The following DLEU7 variants were observed in gnomAD, a reference collection of about 807,000 sequenced individuals.
DLEU7 encodes the protein deleted in lymphocytic leukemia 7.
Under a neutral mutation model 16.0 loss-of-function variants are expected in DLEU7, and 17 were observed. The observed-to-expected ratio is 1.06, with a 90% CI of 0.73 to 1.59. DLEU7 has a LOEUF of 1.59. DLEU7 is among the 40% of genes most tolerant of loss of function. DLEU7 has a pLI of 0.00. For missense variants in DLEU7, 308 were observed against 314.9 expected (o/e 0.98, Z 0.17); for synonymous variants, 113 against 139.8 (o/e 0.81, Z 1.35).
chr13:50,721,053 C>T (rs1364451001), intron 1 of DLEU7, among the ~76,000 whole-genome samples: 6 of 152,134 alleles, frequency 3.9e-5, no homozygotes, highest in African/African-American at 9.7e-5. Context: ...GACCCAGCTG[C>T]AATGTGAGTG....
chr13:50,812,887 AC>A (rs67926749), intron 1 of DLEU7: 1 of 151,694 alleles, frequency 6.6e-6, no homozygotes, highest in African/African-American at 2.4e-5. Flanking sequence ...ACAGAAAAAA[AC>A]CTCTAAAAAT....
intron 1 of DLEU7, among the ~76,000 whole-genome samples, chr13:50,795,906 T>C (rs1421996007): frequency 6.6e-6 from 1 of 152,236 alleles, no homozygotes; most frequent in Non-Finnish European, 1.5e-5. Context: ...GTTAGGGCAA[T>C]TGAGTCAGAG....
At chr13:50,840,692 G>A (rs1310510309) in intron 1 of DLEU7, among the ~76,000 whole-genome samples, 3 of 151,968 alleles carry the variant, frequency 2.0e-5, no homozygotes, top group Non-Finnish European at 4.4e-5. Flanking sequence ...AAGAGGGGGC[G>A]GTAGAAAATG....
intron 1 of DLEU7, among the ~76,000 whole-genome samples, chr13:50,785,843 A>G (rs903385975): frequency 2.0e-5 from 3 of 152,212 alleles, no homozygotes; most frequent in African/African-American, 7.2e-5. Context: ...AGATAGAAAT[A>G]CAGGTGTGGC....
intron 1 of DLEU7, among the ~76,000 whole-genome samples, chr13:50,788,490 T>C (rs2137771205): frequency 6.6e-6 from 1 of 152,254 alleles, no homozygotes; most frequent in Non-Finnish European, 1.5e-5. Flanking sequence ...AAGAACCTCA[T>C]TGTCGAGGAC....
At chr13:50,828,620 G>A (rs1338806295) in intron 1 of DLEU7, among the ~76,000 whole-genome samples, 1 of 152,112 alleles carries the variant, frequency 6.6e-6, no homozygotes. Context: ...AAAAATGGAA[G>A]GAAGAACTAA....
intron 1 of DLEU7, among the ~76,000 whole-genome samples, chr13:50,798,050 A>C (rs1876149961): frequency 6.6e-6 from 1 of 152,196 alleles, no homozygotes; most frequent in Admixed American, 6.5e-5. Flanking sequence ...AGATTTCAGA[A>C]TGCCATTGTA....
At chr13:50,830,043 C>T (rs1321698257) in intron 1 of DLEU7, among the ~76,000 whole-genome samples, 2 of 152,188 alleles carry the variant, frequency 1.3e-5, no homozygotes, top group African/African-American at 4.8e-5. Context: ...TAGCAAATCC[C>T]AGATGCTCCC....
intron 1 of DLEU7, among the ~76,000 whole-genome samples, chr13:50,807,412 C>A (rs1043100593): frequency 6.6e-6 from 1 of 152,066 alleles, no homozygotes; most frequent in African/African-American, 2.4e-5. Flanking sequence ...CCTCCCTCCT[C>A]CTGCTTCTCT....
chr13:50,783,023 A>G (rs1195436987), intron 1 of DLEU7, among the ~76,000 whole-genome samples: 2 of 152,234 alleles, frequency 1.3e-5, no homozygotes, highest in South Asian at 2.1e-4. Flanking sequence ...TACAAAAGGT[A>G]TAACCCAGAA....
intron 1 of DLEU7, among the ~76,000 whole-genome samples, chr13:50,783,667 C>T (rs929113316): frequency 3.9e-5 from 6 of 152,128 alleles, no homozygotes; most frequent in Admixed American, 1.3e-4. Context: ...TGGCCAATAG[C>T]GTCTCTGCCA....
At chr13:50,792,520 G>A (rs758730109) in intron 1 of DLEU7, among the ~76,000 whole-genome samples, 1 of 152,190 alleles carries the variant, frequency 6.6e-6, no homozygotes, top group Non-Finnish European at 1.5e-5. Context: ...ATTGGAAAGA[G>A]ACAGCAGTCC....
chr13:50,730,490 TG>T (rs1873884251), intron 1 of DLEU7, among the ~76,000 whole-genome samples: 2 of 152,176 alleles, frequency 1.3e-5, no homozygotes, highest in South Asian at 2.1e-4. Context: ...AGAGTTTGTC[TG>T]GGCAGATAGT....
At chr13:50,713,690 G>A (rs1873358832) in intron 1 of DLEU7, among the ~76,000 whole-genome samples, 1 of 152,142 alleles carries the variant, frequency 6.6e-6, no homozygotes, top group African/African-American at 2.4e-5. Context: ...ATTTGTTCCT[G>A]GCGTCATAAG....
chr13:50,758,623 C>G (rs1341858640), intron 1 of DLEU7, among the ~76,000 whole-genome samples: 1 of 152,210 alleles, frequency 6.6e-6, no homozygotes, highest in African/African-American at 2.4e-5. Flanking sequence ...TCTAAGCCCA[C>G]TTACCTGCTG....
intron 1 of DLEU7, among the ~76,000 whole-genome samples, chr13:50,756,644 C>T (rs2137740219): frequency 6.6e-6 from 1 of 152,324 alleles, no homozygotes; most frequent in East Asian, 1.9e-4. Context: ...CTACCTGCCT[C>T]CCAGCTGTGA....
At chr13:50,734,192 T>G (rs950841886) in intron 1 of DLEU7, among the ~76,000 whole-genome samples, 3 of 152,192 alleles carry the variant, frequency 2.0e-5, no homozygotes, top group Non-Finnish European at 4.4e-5. Flanking sequence ...GGCAAGTCAC[T>G]CTATATCTTT....
At chr13:50,725,035 T>G (rs1374909904) in intron 1 of DLEU7, among the ~76,000 whole-genome samples, 1 of 152,118 alleles carries the variant, frequency 6.6e-6, no homozygotes, top group African/African-American at 2.4e-5. Flanking sequence ...CTAATATCAA[T>G]AGCCCATGGT....
At chr13:50,758,903 A>C (rs1430296802) in intron 1 of DLEU7, among the ~76,000 whole-genome samples, 1 of 152,220 alleles carries the variant, frequency 6.6e-6, no homozygotes, top group African/African-American at 2.4e-5. Flanking sequence ...TCCAGCCCAC[A>C]TTCAAGGGGA....
Sources: gnomAD v4.1 joint callset for allele counts (sites outside exome capture counted in the v4.1 genomes callset) on GRCh38, gnomAD v4.1.1 for gene constraint, MANE v1.5 for transcripts, NCBI Gene and HGNC (gene_info 2026-07-23, HGNC 2026-07-21) for gene names.